The following RFX4 variants were observed in gnomAD, a reference collection of about 807,000 sequenced individuals.
RFX4 encodes regulatory factor X4.
RFX4 carries 10 observed loss-of-function variants against 95.0 expected under a neutral mutation model. That is an observed-to-expected ratio of 0.11 (90% confidence interval 0.06 to 0.18). The LOEUF (loss-of-function observed/expected upper bound fraction) is 0.18. RFX4 is among the 10% of genes least tolerant of loss of function. The pLI, the probability that RFX4 is intolerant of heterozygous loss-of-function variation, is 1.00. For missense variants in RFX4, 640 were observed against 922.0 expected (o/e 0.69, Z 3.96); for synonymous variants, 321 against 340.7 (o/e 0.94, Z 0.64).
Position 106,599,471 on chromosome 12 carries a change from GTGA to G in RFX4, c.44-9289_44-9287del, listed in dbSNP as rs3067521. On this transcript the variant is annotated intron_variant, in intron 1 of 17. Coordinates refer to ENST00000392842, the MANE Select transcript of RFX4 (RefSeq NM_213594.3). ...GTGTGATCTTGGGCAAGTCATCGCT[GTGA>G]TGATGATGATGATGATGATGATGAT... Among the ~76,000 whole-genome samples the G allele has an allele frequency of 4.9e-3, 738 of 150,648 alleles. 3 individuals are homozygous for G. The highest frequency in any genetic ancestry group is 0.014 in the Middle Eastern group (4 of 294).
At chr12:106,609,812 GT>G (rs1339840145) in intron 2 of RFX4, among the ~76,000 whole-genome samples, 1 of 151,400 alleles carries the variant, frequency 6.6e-6, no homozygotes, top group African/African-American at 2.4e-5. Flanking sequence ...AACCTTTCTT[GT>G]CCCCCAGGAG....
Position 106,636,006 on chromosome 12 carries a change from G to A in RFX4, c.131-3326G>A, listed in dbSNP as rs149349170. 5.5e-3 allele frequency among the ~76,000 whole-genome samples: 837 copies of A among 152,282 alleles called. 8 individuals are homozygous for A. Among genetic ancestry groups the A allele is most frequent in the Non-Finnish European group, 7.4e-3 (502 of 68,032 alleles). Reference sequence around the variant, plus strand: ...TATTGTGCTGTTCTTTAAGACTGGAGAAGGCACACTTAAGTATTTAAATAC... The same window carrying A: ...TATTGTGCTGTTCTTTAAGACTGGAAAAGGCACACTTAAGTATTTAAATAC... On this transcript the variant is annotated intron_variant, in intron 2 of 17. Coordinates refer to ENST00000392842, the MANE Select transcript of RFX4 (RefSeq NM_213594.3).
chr12:106,715,061 G>T (rs1437143335), intron 10 of RFX4: 2 of 193,164 alleles, frequency 1.0e-5, no homozygotes, highest in African/African-American at 4.6e-5. Flanking sequence ...CATCCCACAG[G>T]CTTACATCAG....
intron 2 of RFX4, among the ~76,000 whole-genome samples, chr12:106,614,992 T>C (rs2040045186): frequency 6.6e-6 from 1 of 152,164 alleles, no homozygotes; most frequent in South Asian, 2.1e-4. Flanking sequence ...TTTTCAATTC[T>C]AATAAAATTT....
At chr12:106,743,500 G>A (rs959200130) in intron 15 of RFX4, among the ~76,000 whole-genome samples, 4 of 152,258 alleles carry the variant, frequency 2.6e-5, no homozygotes, top group Admixed American at 1.3e-4. Flanking sequence ...CCATTTAGGG[G>A]TTTTGTTCCC....
intron 2 of RFX4, among the ~76,000 whole-genome samples, chr12:106,622,661 C>G (rs1461520833): frequency 6.8e-6 from 1 of 148,036 alleles, no homozygotes; most frequent in African/African-American, 2.5e-5. Context: ...CTAGCTCACT[C>G]TGTTGCCAGG....
In RFX4 at chr12:106,705,610, G is replaced by A. The variant is rs573251687; in HGVS notation, c.834-3720G>A. Among the ~76,000 whole-genome samples the A allele has an allele frequency of 3.3e-5, 5 of 152,332 alleles. No individual in the cohort carries two copies. The South Asian group carries it at 1.0e-3, about 32-fold the overall frequency. ...CTGCTATCTGGGGCAAGAGCTTCCAGGCAGAAGGGATGGCAAGTGCAAAGG... is the reference window on the plus strand; with the variant it reads ...CTGCTATCTGGGGCAAGAGCTTCCAAGCAGAAGGGATGGCAAGTGCAAAGG... On this transcript the variant is annotated intron_variant, in intron 8 of 17. Coordinates refer to ENST00000392842, the MANE Select transcript of RFX4 (RefSeq NM_213594.3).
chr12:106,607,494 C>T (rs545493437), intron 1 of RFX4, among the ~76,000 whole-genome samples: 4 of 130,758 alleles, frequency 3.1e-5, no homozygotes, highest in East Asian at 4.6e-4. Context: ...CAACGTGGAC[C>T]GAAGTAGCTG....
intron 15 of RFX4, among the ~76,000 whole-genome samples, chr12:106,736,594 G>T (rs1183945128): frequency 6.6e-6 from 1 of 152,154 alleles, no homozygotes; most frequent in East Asian, 1.9e-4. Context: ...CATCAGCGAG[G>T]ACTTAATCAC....
At chr12:106,709,511 C>T (rs1478412049) in intron 9 of RFX4, 81 bp downstream of exon 9, 2 of 1,036,376 alleles carry the variant, frequency 1.9e-6, no homozygotes, top group Non-Finnish European at 2.9e-6. Context: ...TTAATAGTAG[C>T]AGCAGCTACT....
At chr12:106,743,595 C>A (rs750612873) in intron 15 of RFX4, among the ~76,000 whole-genome samples, 2 of 152,184 alleles carry the variant, frequency 1.3e-5, no homozygotes, top group Non-Finnish European at 2.9e-5. Flanking sequence ...ACTCCTTCAA[C>A]AACAAATTCA....
intron 10 of RFX4, among the ~76,000 whole-genome samples, chr12:106,714,339 C>G (rs1487950574): frequency 6.6e-6 from 1 of 152,152 alleles, no homozygotes; most frequent in African/African-American, 2.4e-5. Flanking sequence ...GACACCTGAC[C>G]TTTCCATTCA....
chr12:106,722,814 A>G (rs1441989762), intron 13 of RFX4, among the ~76,000 whole-genome samples: 2 of 152,210 alleles, frequency 1.3e-5, no homozygotes, highest in East Asian at 3.9e-4. Flanking sequence ...TTTGCAGCAG[A>G]CAAAAGCCCA....
intron 3 of RFX4, chr12:106,645,860 C>T (rs2040733628): frequency 7.9e-7 from 1 of 1,272,572 alleles, no homozygotes; most frequent in African/African-American, 1.5e-5. Context: ...TAGCTCTGAA[C>T]ACAACCAGTG....
chr12:106,622,328 A>G (rs1011973916), intron 2 of RFX4, among the ~76,000 whole-genome samples: 4 of 152,106 alleles, frequency 2.6e-5, no homozygotes, highest in Admixed American at 6.5e-5. Context: ...TAATCCTACT[A>G]TGTAGAGATA....
intron 13 of RFX4, among the ~76,000 whole-genome samples, chr12:106,724,064 C>A (rs1592983591): frequency 3.3e-5 from 5 of 152,322 alleles, no homozygotes; most frequent in East Asian, 3.9e-4. Flanking sequence ...TTCTCAATTA[C>A]TTCTCACACA....
chr12:106,626,342 G>T (rs1346465742), intron 2 of RFX4, among the ~76,000 whole-genome samples: 1 of 152,192 alleles, frequency 6.6e-6, no homozygotes, highest in African/African-American at 2.4e-5. Flanking sequence ...GGGCCTCAAA[G>T]GATCCATGTG....
chr12:106,671,466 G>A (rs935356571), intron 4 of RFX4, among the ~76,000 whole-genome samples: 2 of 151,968 alleles, frequency 1.3e-5, no homozygotes, highest in African/African-American at 2.4e-5. Context: ...AGAGGACACC[G>A]TGCTGGCTCT....
intron 7 of RFX4, chr12:106,693,079 G>C: frequency 2.3e-6 from 1 of 436,538 alleles, no homozygotes; most frequent in Non-Finnish European, 4.6e-6. Context: ...CAGTCCACTG[G>C]GAGATCCTGT....
Sources: gnomAD v4.1 joint callset for allele counts (sites outside exome capture counted in the v4.1 genomes callset) on GRCh38, gnomAD v4.1.1 for gene constraint, MANE v1.5 for transcripts, NCBI Gene and HGNC (gene_info 2026-07-23, HGNC 2026-07-21) for gene names.